STX2: variants seen among roughly 807,000 people sequenced by gnomAD.
STX2 encodes syntaxin 2.
A neutral mutation model predicts 40.6 loss-of-function variants in STX2; 27 were observed. That is an observed-to-expected ratio of 0.66 (90% CI 0.49 to 0.92). The LOEUF (loss-of-function observed/expected upper bound fraction) is 0.92, where lower values mean the gene tolerates loss of function less well. Ranked by LOEUF, STX2 falls within the 40% of genes least tolerant of loss-of-function variation. The pLI is 0.00. For missense variants in STX2, 328 were observed against 366.1 expected, an observed-to-expected ratio of 0.90 and a Z score of 0.85; for synonymous variants, 123 against 119.1, an observed-to-expected ratio of 1.03 and a Z score of -0.22.
chr12:130,837,140 C>T (rs991455857), intron 1 of STX2, among the ~76,000 whole-genome samples: 1 of 149,186 alleles, frequency 6.7e-6, no homozygotes, highest in Non-Finnish European at 1.5e-5. Flanking sequence ...CAATGTCTCA[C>T]TCTGTCACCC....
At chr12:130,800,191 G>A (rs12369290) in intron 8 of STX2, among the ~76,000 whole-genome samples, 1 of 152,140 alleles carries the variant, frequency 6.6e-6, no homozygotes, top group African/African-American at 2.4e-5. Context: ...CAAAGACAAA[G>A]AGCGAGTGTG....
intron 1 of STX2, among the ~76,000 whole-genome samples, chr12:130,829,356 T>C (rs918767459): frequency 6.6e-6 from 1 of 152,220 alleles, no homozygotes; most frequent in African/African-American, 2.4e-5. Flanking sequence ...ATGGTCCCCA[T>C]GTTGCCAGTG....
chr12:130,796,188 C>A (rs1951023267), intron 9 of STX2, 68 bp from the exon 10 acceptor site: 2 of 1,593,810 alleles, frequency 1.3e-6, no homozygotes, highest in Non-Finnish European at 1.7e-6. Flanking sequence ...TAAAAGACAT[C>A]CTTCATTTAA....
intron 10 of STX2, among the ~76,000 whole-genome samples, chr12:130,793,975 C>A (rs1490614657): frequency 6.6e-6 from 1 of 152,158 alleles, no homozygotes; most frequent in Non-Finnish European, 1.5e-5. Context: ...GCCAGCCAGG[C>A]CCGGGGCACA....
At chr12:130,827,718 G>A (rs1378820381) in intron 1 of STX2, among the ~76,000 whole-genome samples, 6 of 152,198 alleles carry the variant, frequency 3.9e-5, no homozygotes, top group Admixed American at 2.0e-4. Context: ...ATTCAAGACC[G>A]GCCTGGGCAA....
intron 4 of STX2, among the ~76,000 whole-genome samples, chr12:130,811,950 A>T (rs4759791): frequency 6.6e-6 from 1 of 152,028 alleles, no homozygotes; most frequent in African/African-American, 2.4e-5. Context: ...AGCTTGGAGA[A>T]TTTAACTACC....
At chr12:130,792,502 C>A (rs1369779952) in intron 10 of STX2, among the ~76,000 whole-genome samples, 2 of 152,178 alleles carry the variant, frequency 1.3e-5, no homozygotes, top group African/African-American at 2.4e-5. Flanking sequence ...GTCACTCTGT[C>A]GCCCAGGCTG....
chr12:130,814,914 C>T (rs926052964), intron 3 of STX2, among the ~76,000 whole-genome samples: 3 of 152,212 alleles, frequency 2.0e-5, no homozygotes, highest in Admixed American at 6.5e-5. Flanking sequence ...GGATTACAGG[C>T]GTGAGCCACT....
intron 3 of STX2, among the ~76,000 whole-genome samples, chr12:130,814,651 T>C (rs1018444316): frequency 1.8e-4 from 26 of 148,330 alleles, no homozygotes; most frequent in Middle Eastern, 3.4e-3. Flanking sequence ...TTTTTTTTTT[T>C]TTGAGACAGA....
At chr12:130,815,558 T>C (rs1951827773) in intron 3 of STX2, among the ~76,000 whole-genome samples, 1 of 152,238 alleles carries the variant, frequency 6.6e-6, no homozygotes, top group South Asian at 2.1e-4. Context: ...TTCATCTGCA[T>C]CGTTTCAATA....
At chr12:130,829,585 A>G (rs1952479242) in intron 1 of STX2, among the ~76,000 whole-genome samples, 1 of 152,102 alleles carries the variant, frequency 6.6e-6, no homozygotes, top group South Asian at 2.1e-4. Flanking sequence ...TCTTAGAAAG[A>G]GGATCTACTC....
At position 130,830,804 on chromosome 12, in the gene STX2, G is replaced by A. The variant is rs148180578; in HGVS notation, c.31-3537C>T. ...TTCAGGCTGAGATAGTGCAACAGCT[G>A]TACAACAGCCATGATTATGAGAGGG... is the stretch of plus-strand genomic sequence containing the variant. On this transcript the variant is annotated intron_variant, in intron 1 of 10. Coordinates refer to ENST00000392373, the MANE Select transcript of STX2 (RefSeq NM_194356.4). Among the ~76,000 whole-genome samples the A allele has an allele frequency of 5.0e-3, 759 of 152,292 alleles. 30 individuals carry two copies. In the South Asian group the frequency reaches 0.084, roughly 17 times the overall value.
chr12:130,838,338 A>G lies in STX2; in HGVS notation c.30+732T>C, dbSNP rs76821417. ...CTTTACACGTGTAGAATGCATCGAAATCCTTCCAAAATTTTTAGTGACCTG... is the reference window on the plus strand; with the variant it reads ...CTTTACACGTGTAGAATGCATCGAAGTCCTTCCAAAATTTTTAGTGACCTG... On this transcript the variant is annotated intron_variant, in intron 1 of 10. Transcript: ENST00000392373. Among the ~76,000 whole-genome samples the G allele has an allele frequency of 5.0e-4, 76 of 152,306 alleles. 1 individual carries two copies. The highest frequency in any genetic ancestry group is 1.6e-3 in the African/African-American group (68 of 41,572).
chr12:130,809,069 G>A (rs2136276192), intron 4 of STX2, among the ~76,000 whole-genome samples: 1 of 152,314 alleles, frequency 6.6e-6, no homozygotes, highest in South Asian at 2.1e-4. Flanking sequence ...ATTTTGCCAT[G>A]TTGCCCAGGC....
In STX2 at chr12:130,801,238, C is replaced by A. The variant is rs1240424500; in HGVS notation, c.590G>T (p.Arg197Leu). Residue 197 changes from arginine to leucine, a missense_variant, in exon 8 of 11, where the codon CGT (arginine) becomes CTT (leucine). Arg to Leu is a moderately radical substitution (Grantham distance 102). Coordinates refer to ENST00000392373, the MANE Select transcript of STX2 (RefSeq NM_194356.4). ...TRQALNEIES[R>L]HKDIMKLETS... ...CTCCAGCTTCATGATGTCCTTGTGA[C>A]GTGACTCGATTTCATTGAGAGCTTG... 1.9e-6 allele frequency: 3 copies of A among 1,613,628 alleles called. No individual in the cohort carries two copies. The highest frequency in any genetic ancestry group is 2.5e-6 in the Non-Finnish European group (3 of 1,179,812).
chr12:130,803,681 AAAAAAAAAC>A (rs1951315878), intron 6 of STX2, among the ~76,000 whole-genome samples: 2 of 126,172 alleles, frequency 1.6e-5, no homozygotes, highest in Non-Finnish European at 3.3e-5. Flanking sequence ...AAAAAAAAAA[AAAAAAAAAC>A]AAACTAAAAG....
intron 1 of STX2, among the ~76,000 whole-genome samples, chr12:130,829,419 A>G (rs2136346579): frequency 6.6e-6 from 1 of 152,196 alleles, no homozygotes; most frequent in African/African-American, 2.4e-5. Flanking sequence ...AGAGCAGAAA[A>G]CGGCCTGTGA....
Position 130,791,936 on chromosome 12 carries a change from C to A in STX2, c.*87G>T. On this transcript the variant is annotated 3_prime_UTR_variant, in exon 11 of 11. Transcript: ENST00000392373. ...TTGTTGCTAGGATAATTCCAAGGATCACAAGCAAAACAATTACACAAATAA... is the reference window on the plus strand; with the variant it reads ...TTGTTGCTAGGATAATTCCAAGGATAACAAGCAAAACAATTACACAAATAA... 1 of 1,610,582 alleles carries A rather than the reference C, an allele frequency of 6.2e-7. No individual in the cohort carries two copies. The highest frequency in any genetic ancestry group is 1.7e-5 in the Admixed American group (1 of 59,542).
intron 5 of STX2, 36 bp downstream of exon 5, chr12:130,808,595 G>A (rs201680706): frequency 1.5e-5 from 24 of 1,565,598 alleles, no homozygotes; most frequent in African/African-American, 8.2e-5. Context: ...CTTATTCTGC[G>A]ACATTACTTT....
Sources: gnomAD v4.1 joint callset for allele counts (sites outside exome capture counted in the v4.1 genomes callset) on GRCh38, gnomAD v4.1.1 for gene constraint, MANE v1.5 for transcripts, NCBI Gene and HGNC (gene_info 2026-07-23, HGNC 2026-07-21) for gene names.